Variants in TBC1D22A observed in about 807,000 individuals in gnomAD.
TBC1D22A encodes putative GTPase activator.
A neutral mutation model predicts 60.2 loss-of-function variants in TBC1D22A; 38 were observed. The ratio of observed to expected loss-of-function variants is 0.63; its 90% confidence interval spans 0.49 to 0.83. TBC1D22A has a LOEUF of 0.83. TBC1D22A is among the 40% of genes least tolerant of loss of function. The probability of loss-of-function intolerance (pLI) is 0.00; values close to 1 mark genes in which losing one functional copy is unlikely to be tolerated. For synonymous variants in TBC1D22A, 302 were observed against 281.7 expected (o/e 1.07, Z -0.72); for missense variants, 628 against 701.0 (o/e 0.90, Z 1.18).
chr22:47,084,906 A>G (rs905238456), intron 11 of TBC1D22A, among the ~76,000 whole-genome samples: 4 of 152,234 alleles, frequency 2.6e-5, no homozygotes, highest in African/African-American at 9.6e-5. Flanking sequence ...ACCAATCCAG[A>G]GGTTCATTTT....
chr22:46,857,982 G>A (rs1052311921), intron 4 of TBC1D22A, among the ~76,000 whole-genome samples: 2 of 152,110 alleles, frequency 1.3e-5, no homozygotes, highest in Admixed American at 6.5e-5. Flanking sequence ...TTTCTCTCGG[G>A]GATATACTGA....
At chr22:46,820,643 T>G (rs1415404468) in intron 4 of TBC1D22A, among the ~76,000 whole-genome samples, 1 of 152,250 alleles carries the variant, frequency 6.6e-6, no homozygotes, top group African/African-American at 2.4e-5. Flanking sequence ...AGTGTTTTAC[T>G]TCCAATTATG....
intron 8 of TBC1D22A, among the ~76,000 whole-genome samples, chr22:46,971,792 T>C (rs1490839523): frequency 1.3e-5 from 2 of 152,116 alleles, no homozygotes; most frequent in African/African-American, 4.8e-5. Flanking sequence ...CCGTGGGAAA[T>C]TGGGAGACAG....
At chr22:46,889,156 G>A (rs959442382) in intron 5 of TBC1D22A, among the ~76,000 whole-genome samples, 4 of 152,298 alleles carry the variant, frequency 2.6e-5, no homozygotes, top group African/African-American at 9.6e-5. Context: ...AGGAAAAAGA[G>A]ATTTGTATCT....
At chr22:47,152,514 TAG>T (rs2067543011) in intron 12 of TBC1D22A, among the ~76,000 whole-genome samples, 1 of 152,168 alleles carries the variant, frequency 6.6e-6, no homozygotes, top group Non-Finnish European at 1.5e-5. Context: ...GCACATTCAC[TAG>T]AGAGTTTCTG....
chr22:46,985,626 G>A (rs1286469427), intron 9 of TBC1D22A, among the ~76,000 whole-genome samples: 1 of 152,174 alleles, frequency 6.6e-6, no homozygotes, highest in Non-Finnish European at 1.5e-5. Context: ...ATACTCCACC[G>A]TGTGAATCTA....
At chr22:46,953,200 A>T (rs566061358) in intron 8 of TBC1D22A, among the ~76,000 whole-genome samples, 1 of 152,314 alleles carries the variant, frequency 6.6e-6, no homozygotes, top group East Asian at 1.9e-4. Context: ...TATGAATTTT[A>T]AAATACTTCA....
At chr22:46,858,462 C>CCG (rs11404694) in intron 4 of TBC1D22A, among the ~76,000 whole-genome samples, 1 of 45,802 alleles carries the variant, frequency 2.2e-5, no homozygotes, top group Non-Finnish European at 4.4e-5. Context: ...GTGGCAAACA[C>CCG]CCCCCCCAGC....
intron 11 of TBC1D22A, among the ~76,000 whole-genome samples, chr22:47,075,817 T>C (rs739013): frequency 0.073 from 10,356 of 142,784 alleles, 383 homozygotes; most frequent in Admixed American, 0.14. Flanking sequence ...CACACACACA[T>C]ATGGACACAG....
chr22:46,973,720 T>C (rs1268546834), intron 8 of TBC1D22A, among the ~76,000 whole-genome samples: 1 of 152,222 alleles, frequency 6.6e-6, no homozygotes, highest in Non-Finnish European at 1.5e-5. Flanking sequence ...AACTTTTAGA[T>C]TGTGTTTTCT....
intron 8 of TBC1D22A, among the ~76,000 whole-genome samples, chr22:46,948,777 C>T (rs181989038): frequency 7.2e-5 from 11 of 152,330 alleles, no homozygotes; most frequent in Non-Finnish European, 1.2e-4. Context: ...AGGTAAAGAC[C>T]GTGCCTTTCT....
At position 47,039,935 on chromosome 22, in the gene TBC1D22A, C is replaced by CTTTTTTTTTTT. The variant is rs570751261; in HGVS notation, c.1329+2754_1329+2764dup. Among the ~76,000 whole-genome samples the CTTTTTTTTTTT allele has an allele frequency of 2.8e-3, 214 of 77,284 alleles. 26 individuals carry two copies. Among genetic ancestry groups the CTTTTTTTTTTT allele is most frequent in the African/African-American group, 0.013 (200 of 15,922 alleles). The allele number at this position is 77,284 out of a possible 152,430, so 50.7% of individuals were successfully genotyped here. A position where few individuals can be genotyped will look rare whatever the true frequency, so the allele number is the denominator to read the frequency against. On this transcript the variant is annotated intron_variant, in intron 11 of 12. Transcript: ENST00000337137. ...CAAGGCGTCGGGGAGGTGCCACAGC[C>CTTTTTTTTTTT]TTTTTTTTTTTTTTTTTTTTTTTTT...
chr22:46,983,376 C>G (rs150875586), intron 9 of TBC1D22A, among the ~76,000 whole-genome samples: 36 of 152,314 alleles, frequency 2.4e-4, no homozygotes, highest in African/African-American at 8.7e-4. Context: ...GTGTTTTCTT[C>G]CTGAGTTGTG....
intron 8 of TBC1D22A, among the ~76,000 whole-genome samples, chr22:46,972,514 T>C (rs1216585325): frequency 6.6e-6 from 1 of 152,106 alleles, no homozygotes; most frequent in Admixed American, 6.5e-5. Flanking sequence ...CTGGAGAACA[T>C]TGTGCTCAGT....
chr22:46,859,427 T>TCCA (rs2087763126), intron 4 of TBC1D22A, among the ~76,000 whole-genome samples: 2 of 8,238 alleles, frequency 2.4e-4, no homozygotes, highest in African/African-American at 7.9e-4. Flanking sequence ...AGAATCCTTT[T>TCCA]TTGATAGAGG....
intron 8 of TBC1D22A, among the ~76,000 whole-genome samples, chr22:46,954,332 G>T (rs1012902750): frequency 6.6e-6 from 1 of 152,256 alleles, no homozygotes; most frequent in Non-Finnish European, 1.5e-5. Context: ...AACGTGATGC[G>T]TGTATGTGAG....
rs1320825024 is a variant in TBC1D22A at position 47,009,313 on chromosome 22, C to T, written c.1201+11604C>T. Among the ~76,000 whole-genome samples, 1 of 151,716 alleles carries T rather than the reference C, an allele frequency of 6.6e-6. No individual in the cohort carries two copies. Among genetic ancestry groups the T allele is most frequent in the Non-Finnish European group, 1.5e-5 (1 of 67,958 alleles). On this transcript the variant is annotated intron_variant, in intron 10 of 12. Transcript: ENST00000337137. The surrounding 1 kb of genome is among the most constrained non-coding windows in gnomAD (Gnocchi z 5.8). Reference sequence around the variant, plus strand: ...GCATCATAAACACCATCATCACCACCATCATGTCATCATCACCATCATTAT... The same window carrying T: ...GCATCATAAACACCATCATCACCACTATCATGTCATCATCACCATCATTAT...
chr22:47,169,722 C>T (rs113390212), intron 12 of TBC1D22A, among the ~76,000 whole-genome samples: 192 of 152,312 alleles, frequency 1.3e-3, no homozygotes, highest in African/African-American at 4.5e-3. Flanking sequence ...GGGGGAGGGA[C>T]GGATTGCAGA....
chr22:47,078,516 T>C (rs888347290), intron 11 of TBC1D22A, among the ~76,000 whole-genome samples: 2 of 152,114 alleles, frequency 1.3e-5, no homozygotes, highest in Non-Finnish European at 2.9e-5. Context: ...CATGAGACCA[T>C]TGTGAGGAGT....
Sources: gnomAD v4.1 joint callset for allele counts (sites outside exome capture counted in the v4.1 genomes callset) on GRCh38, gnomAD v4.1.1 for gene constraint, Gnocchi (gnomAD v3.1) non-coding constraint, MANE v1.5 for transcripts, NCBI Gene and HGNC (gene_info 2026-07-23, HGNC 2026-07-21) for gene names.